Variants in GPA33 observed in about 807,000 individuals in gnomAD.
GPA33 encodes the protein glycoprotein A33, also known as cell surface A33 antigen.
In GPA33, 27 loss-of-function variants were observed where a neutral mutation model predicts 35.6. That is an observed-to-expected ratio of 0.76 (90% CI 0.56 to 1.04). The LOEUF is 1.04. GPA33 is among the 50% of genes least tolerant of loss of function. The pLI is 0.00. For synonymous variants in GPA33, 176 were observed against 164.0 expected, an observed-to-expected ratio of 1.07 and a Z score of -0.56; for missense variants, 428 against 411.9, an observed-to-expected ratio of 1.04 and a Z score of -0.34.
intron 4 of GPA33, among the ~76,000 whole-genome samples, chr1:167,061,138 C>CT (rs1309864683): frequency 6.6e-6 from 1 of 152,254 alleles, no homozygotes. Context: ...GGTCATACAG[C>CT]TAACAAGTGT....
Position 167,078,274 on chromosome 1 carries a change from T to A in GPA33, c.44-4735A>T, listed in dbSNP as rs144111358. ...GATAAGATAGATGCCCACAAAGTCA[T>A]CTTCTTACCCTGGCAAATTAATGGA... On this transcript the variant is annotated intron_variant, in intron 1 of 6. Transcript: ENST00000367868. Among the ~76,000 whole-genome samples the A allele has an allele frequency of 1.5e-3, 224 of 152,348 alleles. 1 individual carries two copies. Among genetic ancestry groups the A allele is most frequent in the Admixed American group, 0.011 (171 of 15,300 alleles).
In GPA33 at chr1:167,068,910, G is replaced by A; in HGVS notation, c.415+12C>T. On this transcript the variant is annotated intron_variant, in intron 3 of 6. Transcript: ENST00000367868. ...TCTTCCTACAACTCCTGAAAGACAT[G>A]AAGACACTCACCGAGGACCAACAGG... 1 of 1,603,682 alleles carries A rather than the reference G, an allele frequency of 6.2e-7. No homozygotes were observed. The highest frequency in any genetic ancestry group is 8.5e-7 in the Non-Finnish European group (1 of 1,172,182).
intron 1 of GPA33, among the ~76,000 whole-genome samples, chr1:167,086,352 C>G (rs550218609): frequency 6.6e-6 from 1 of 152,248 alleles, no homozygotes; most frequent in Admixed American, 6.5e-5. Flanking sequence ...GACACCACCC[C>G]GGCTCTGGCC....
intron 4 of GPA33, 105 bp downstream of exon 4, chr1:167,063,477 C>A (rs895892413): frequency 1.0e-6 from 1 of 985,756 alleles, no homozygotes; most frequent in Admixed American, 2.2e-5. Flanking sequence ...AGCAAGCGGC[C>A]TTCAGGGGGA....
chr1:167,057,533 T>G (rs1018789115), intron 4 of GPA33, among the ~76,000 whole-genome samples: 1 of 152,170 alleles, frequency 6.6e-6, no homozygotes, highest in Non-Finnish European at 1.5e-5. Context: ...CTAGACGTAA[T>G]CCTCAGTAAC....
intron 1 of GPA33, among the ~76,000 whole-genome samples, chr1:167,083,442 A>G (rs537437220): frequency 3.3e-4 from 50 of 152,318 alleles, no homozygotes; most frequent in African/African-American, 1.2e-3. Flanking sequence ...GTCGGCACCC[A>G]TTCACTAACA....
rs746964648 is a variant in GPA33 at position 167,054,397 on chromosome 1, ATCC to A, written c.894_896del (p.Glu298del). 2.0e-5 allele frequency: 32 copies of A among 1,613,776 alleles called. No individual in the cohort carries two copies. In the South Asian group the frequency reaches 2.7e-4, roughly 14 times the overall value. The stretch of plus-strand genomic sequence containing the variant: ...TCCTCTGCTCTTCTTGCCTGTAGTC[ATCC>A]TCCTCCTCCCTCTCTCTGGAAAGTT... On this transcript the variant is annotated inframe_deletion, in exon 7 of 7. Coordinates refer to ENST00000367868, the MANE Select transcript of GPA33 (RefSeq NM_005814.3).
intron 1 of GPA33, among the ~76,000 whole-genome samples, chr1:167,088,120 C>T (rs1330302100): frequency 6.6e-6 from 1 of 152,144 alleles, no homozygotes; most frequent in Non-Finnish European, 1.5e-5. Context: ...GAATCAATTC[C>T]TCGGAAAGGT....
In GPA33 at chr1:167,054,225, T is replaced by A. The variant is rs1284871833; in HGVS notation, c.*109A>T. 5.9e-6 allele frequency: 8 copies of A among 1,364,616 alleles called. No homozygotes were observed. Among genetic ancestry groups the A allele is most frequent in the Non-Finnish European group, 7.1e-6 (7 of 984,196 alleles). The allele number at this position is 1,364,616 out of a possible 1,614,324, so 84.5% of individuals were successfully genotyped here. ...ACTGGGGAAGAAATGTCCCCATCAA[T>A]GTCTGGGATGGAGGGACAGGAGAAC... is the stretch of plus-strand genomic sequence containing the variant. On this transcript the variant is annotated 3_prime_UTR_variant, in exon 7 of 7. Transcript: ENST00000367868.
rs539952944 is a variant in GPA33, at chr1:167,080,318, T to A, written c.44-6779A>T. 3.9e-4 allele frequency among the ~76,000 whole-genome samples: 60 copies of A among 152,278 alleles called. 1 individual carries two copies. The highest frequency in any genetic ancestry group is 1.3e-3 in the African/African-American group (53 of 41,550). ...GTGTTAACCTCCAGGGGTATACAGG[T>A]TAGAAGTGCAAGCGCCTTTACCTGC... On this transcript the variant is annotated intron_variant, in intron 1 of 6. Coordinates refer to ENST00000367868, the MANE Select transcript of GPA33 (RefSeq NM_005814.3).
intron 4 of GPA33, chr1:167,058,215 A>C (rs537646886): frequency 6.6e-6 from 1 of 152,206 alleles, no homozygotes. Flanking sequence ...AATATGTATA[A>C]AAATAAAATT....
chr1:167,070,395 A>T (rs1165780403), intron 2 of GPA33, among the ~76,000 whole-genome samples: 1 of 152,040 alleles, frequency 6.6e-6, no homozygotes, highest in Non-Finnish European at 1.5e-5. Flanking sequence ...TCTTCACAAC[A>T]CCCCTAAAGT....
intron 6 of GPA33, 82 bp from the exon 7 acceptor site, chr1:167,054,548 G>A: frequency 1.3e-6 from 2 of 1,567,400 alleles, no homozygotes; most frequent in Non-Finnish European, 1.7e-6. Flanking sequence ...TGCATTACAG[G>A]AAGAGCAGCC....
In GPA33 at chr1:167,073,371, T is replaced by C. The variant is rs375154886; in HGVS notation, c.198+14A>G. On this transcript the variant is annotated intron_variant, in intron 2 of 6. Transcript: ENST00000367868. The stretch of plus-strand genomic sequence containing the variant: ...ATCATTCCCATGTTGCCTGAACTTG[T>C]AAAGTATCCTTACCGTATGAGTGAG... The C allele has an allele frequency of 2.9e-5, 46 of 1,611,022 alleles. No homozygotes were observed. The African/African-American group carries it at 5.2e-4, about 18-fold the overall frequency.
chr1:167,055,223 TG>T, intron 5 of GPA33, 112 bp from the exon 6 acceptor site: 1 of 1,034,128 alleles, frequency 9.7e-7, no homozygotes, highest in Admixed American at 2.1e-5. Context: ...ATGAAAGGCA[TG>T]GTCTTGGAGG....
In GPA33 at chr1:167,085,964, T is replaced by C. The variant is rs139811771; in HGVS notation, c.43+4281A>G. On this transcript the variant is annotated intron_variant, in intron 1 of 6. Transcript: ENST00000367868. ...GTATGGGGGAGACTGGGCATCTGTA[T>C]TTTCACTTCCCAGGTGACTCTGATG... Among the ~76,000 whole-genome samples the C allele has an allele frequency of 1.0e-3, 155 of 152,306 alleles. 1 individual carries two copies. The highest frequency in any genetic ancestry group is 3.5e-3 in the African/African-American group (144 of 41,572).
At chr1:167,080,470 C>T (rs1666903265) in intron 1 of GPA33, among the ~76,000 whole-genome samples, 1 of 152,190 alleles carries the variant, frequency 6.6e-6, no homozygotes, top group South Asian at 2.1e-4. Context: ...GGCTTCCTGC[C>T]TCCTAGTGCT....
rs1205256800 is a variant in GPA33 at position 167,054,982 on chromosome 1, G to T, written c.821C>A (p.Ala274Glu). The T allele has an allele frequency of 6.2e-7, 1 of 1,613,910 alleles. No individual in the cohort carries two copies. Among genetic ancestry groups the T allele is most frequent in the Non-Finnish European group, 8.5e-7 (1 of 1,180,008 alleles). Reference protein sequence around the residue: ...KDDNTEDKEDARPNREAYEEP... With the variant: ...KDDNTEDKEDERPNREAYEEP... ...TACCAGCCCAGACACTCACGGCCTTGCATCCTCCTTGTCTTCAGTGTTGTC... is the reference window on the plus strand; with the variant it reads ...TACCAGCCCAGACACTCACGGCCTTTCATCCTCCTTGTCTTCAGTGTTGTC... The change falls in exon 6 of 7, where the codon GCA becomes GAA. Residue 274 changes from alanine to glutamate, a missense_variant. By Grantham distance (107) the Ala-to-Glu change is moderately radical. Coordinates refer to ENST00000367868, the MANE Select transcript of GPA33 (RefSeq NM_005814.3).
chr1:167,062,648 T>TTTC lies in GPA33; in HGVS notation c.571+933_571+934insGAA, dbSNP rs1666484001. 3.0e-5 allele frequency among the ~76,000 whole-genome samples: 4 copies of TTTC among 134,432 alleles called. No individual in the cohort carries two copies. In the South Asian group the frequency reaches 7.8e-4, roughly 26 times the overall value. 88.2% of individuals were successfully genotyped at this position (134,432 alleles called of 152,430 possible). ...GTAGGATTTTTATATAGCTCTTTCT[T>TTTC]TTTTTTTTTTTTTTTTTTTCAGTTT... On this transcript the variant is annotated intron_variant, in intron 4 of 6. Coordinates refer to ENST00000367868, the MANE Select transcript of GPA33 (RefSeq NM_005814.3).
Sources: allele counts gnomAD v4.1 joint callset (sites outside exome capture counted in the v4.1 genomes callset), GRCh38; gene constraint gnomAD v4.1.1; transcripts MANE v1.5; gene names NCBI Gene and HGNC (gene_info 2026-07-23, HGNC 2026-07-21).